IPO13: variants seen among roughly 807,000 people sequenced by gnomAD.
The protein encoded by IPO13 is importin 13.
A neutral mutation model predicts 115.5 loss-of-function variants in IPO13; 28 were observed. That is an observed-to-expected ratio of 0.24 (90% CI 0.18 to 0.33). The LOEUF (loss-of-function observed/expected upper bound fraction) is 0.33, where lower values mean the gene tolerates loss of function less well. IPO13 is among the 10% of genes least tolerant of loss of function. The probability of loss-of-function intolerance (pLI) is 1.00; values close to 1 mark genes in which losing one functional copy is unlikely to be tolerated. For missense variants in IPO13, 785 were observed against 1,204.6 expected, an observed-to-expected ratio of 0.65 and a Z score of 5.16; for synonymous variants, 414 against 478.9, an observed-to-expected ratio of 0.86 and a Z score of 1.77.
In IPO13 at chr1:43,949,958, T is replaced by G; in HGVS notation, c.626T>G (p.Leu209Arg). The G allele has an allele frequency of 6.2e-7, 1 of 1,610,588 alleles. No individual in the cohort carries two copies. The highest frequency in any genetic ancestry group is 8.5e-7 in the Non-Finnish European group (1 of 1,179,404). Residue 209 changes from leucine (L) to arginine (R), a missense_variant, in exon 2 of 20, where the codon CTA becomes CGA. Physicochemically the swap from Leu to Arg is moderately radical, Grantham distance 102 (BLOSUM62 -2). Around this residue, in one of 3 missense-constraint regions of IPO13, gnomAD observed 325 missense variants for 449.8 expected, o/e 0.72. Transcript: ENST00000372343. ...GAVFPLLEQL[L>R]QQPSSPSCVR... ...GTCTTCCCGCTGCTGGAGCAGCTGC[T>G]ACAGCAGCCCAGCTCACCCAGCTGT...
In IPO13 at chr1:43,960,961, G is replaced by A; in HGVS notation, c.2195G>A (p.Gly732Asp). 6.2e-7 allele frequency: 1 copy of A among 1,614,214 alleles called. No homozygotes were observed. The highest frequency in any genetic ancestry group is 8.5e-7 in the Non-Finnish European group (1 of 1,180,036). The part of the protein sequence containing the change: ...PMVPQLCEML[G>D]RMYSTIPQAS... ...GTGCCACAGCTGTGTGAGATGCTGG[G>A]TCGGATGTACAGCACCATCCCCCAG... The change falls in exon 13 of 20, where the codon GGT becomes GAT. Residue 732 changes from glycine (G) to aspartate (D), a missense_variant. By Grantham distance (94) the Gly-to-Asp change is moderately conservative. Transcript: ENST00000372343.
At position 43,956,731 on chromosome 1, in the gene IPO13, G is replaced by C; in HGVS notation, c.1104+30G>C. The C allele has an allele frequency of 6.2e-7, 1 of 1,614,092 alleles. No individual in the cohort carries two copies. The highest frequency in any genetic ancestry group is 8.5e-7 in the Non-Finnish European group (1 of 1,179,934). Reference sequence around the variant, plus strand: ...GTCTGTGTGACCTCCAGTAGGACTGGGCTGTGGTGGAAGAAGGTGGATCAT... The same window carrying C: ...GTCTGTGTGACCTCCAGTAGGACTGCGCTGTGGTGGAAGAAGGTGGATCAT... On this transcript the variant is annotated intron_variant, in intron 4 of 19. Coordinates refer to ENST00000372343, the MANE Select transcript of IPO13 (RefSeq NM_014652.4). The surrounding 1 kb of genome is among the most constrained non-coding windows in gnomAD (Gnocchi z 4.7).
intron 5 of IPO13, 32 bp downstream of exon 5, chr1:43,957,008 G>A (rs575578830): frequency 6.2e-7 from 1 of 1,608,414 alleles, no homozygotes; most frequent in Admixed American, 1.7e-5. Flanking sequence ...CTCTAAAATG[G>A]AGTCCAGAAA....
Position 43,967,859 on chromosome 1 carries a change from G to A in IPO13, c.*177G>A. 1.6e-6 allele frequency: 1 copy of A among 633,710 alleles called. No individual in the cohort carries two copies. The highest frequency in any genetic ancestry group is 2.7e-5 in the East Asian group (1 of 36,440). The allele number at this position is 633,710 out of a possible 1,614,324, so 39.3% of individuals were successfully genotyped here. On this transcript the variant is annotated 3_prime_UTR_variant, in exon 20 of 20. Transcript: ENST00000372343. The surrounding 1 kb of genome is among the most constrained non-coding windows in gnomAD (Gnocchi z 6.1). ...GGATGCTTGGACCCAGGCCTTGGGA[G>A]GGAATGGTGGGAACATCCTCTAGCT...
At position 43,947,128 on chromosome 1, in the gene IPO13, C is replaced by G; in HGVS notation, c.-473C>G. 2.5e-6 allele frequency: 1 copy of G among 398,974 alleles called. No homozygotes were observed. The highest frequency in any genetic ancestry group is 4.4e-6 in the Non-Finnish European group (1 of 226,322). The allele number at this position is 398,974 out of a possible 1,614,324, so 24.7% of individuals were successfully genotyped here. A position where few individuals can be genotyped will look rare whatever the true frequency, so the allele number is the denominator to read the frequency against. Reference sequence around the variant, plus strand: ...CGCGCTTCGTTGGACGCCTCCGTAACCACGAAGGGCTCTCTCTCTCCCGTG... The same window carrying G: ...CGCGCTTCGTTGGACGCCTCCGTAAGCACGAAGGGCTCTCTCTCTCCCGTG... On this transcript the variant is annotated 5_prime_UTR_variant, in exon 1 of 20. Coordinates refer to ENST00000372343, the MANE Select transcript of IPO13 (RefSeq NM_014652.4).
At position 43,959,180 on chromosome 1, in the gene IPO13, C is replaced by T. The variant is rs571841944; in HGVS notation, c.2028+291C>T. Among the ~76,000 whole-genome samples the T allele has an allele frequency of 3.3e-5, 5 of 152,300 alleles. No homozygotes were observed. The South Asian group carries it at 6.2e-4, about 19-fold the overall frequency. ...TCCTCAGCCCCATGAGGGACATTGACGTTATATCCTTCAACCCTTAAGTGA... is the reference window on the plus strand; with the variant it reads ...TCCTCAGCCCCATGAGGGACATTGATGTTATATCCTTCAACCCTTAAGTGA... On this transcript the variant is annotated intron_variant, in intron 11 of 19. Transcript: ENST00000372343.
intron 14 of IPO13, among the ~76,000 whole-genome samples, chr1:43,963,078 G>A (rs899875635): frequency 2.0e-5 from 3 of 152,202 alleles, no homozygotes; most frequent in African/African-American, 7.2e-5. Context: ...ATAACTCAGG[G>A]TTCAGATACC....
intron 5 of IPO13, 89 bp from the exon 6 acceptor site, chr1:43,957,106 G>A: frequency 6.4e-7 from 1 of 1,573,864 alleles, no homozygotes; most frequent in Non-Finnish European, 8.6e-7. Flanking sequence ...TTGCAGAGTT[G>A]TGGGGGTACT....
rs2085333111 is a variant in IPO13, at chr1:43,967,395, C to G, written c.2694C>G (p.Ser898Arg). ...TCGCCCTGAACAAGCACTGCTTCAG[C>G]CTCCTGAGCATGTGGATCAAGGAGG... Reference protein sequence around the residue: ...ILFALNKHCFSLLSMWIKEAL... With the variant: ...ILFALNKHCFRLLSMWIKEAL... The change falls in exon 19 of 20, where the codon AGC becomes AGG. Residue 898 changes from serine to arginine, a missense_variant. Transcript: ENST00000372343. This position sits in a 1 kb window ranked among gnomAD's most constrained non-coding sequence, Gnocchi z 6.1. 1 of 1,614,048 alleles carries G rather than the reference C, an allele frequency of 6.2e-7. No homozygotes were observed. Among genetic ancestry groups the G allele is most frequent in the Admixed American group, 1.7e-5 (1 of 60,008 alleles).
At position 43,947,037 on chromosome 1, in the gene IPO13, G is replaced by T. The variant is rs947266816; in HGVS notation, c.-564G>T. 10 of 398,648 alleles carry T rather than the reference G, an allele frequency of 2.5e-5. No individual in the cohort carries two copies. Among genetic ancestry groups the T allele is most frequent in the Non-Finnish European group, 3.1e-5 (7 of 226,144 alleles). The allele number at this position is 398,648 out of a possible 1,614,324, so 24.7% of individuals were successfully genotyped here. On this transcript the variant is annotated 5_prime_UTR_variant, in exon 1 of 20. Transcript: ENST00000372343. ...AGCACAGCGCGGGCCAGGCCGAACGGAAGGGACCTGCCACAGCCCCTCAAC... is the reference window on the plus strand; with the variant it reads ...AGCACAGCGCGGGCCAGGCCGAACGTAAGGGACCTGCCACAGCCCCTCAAC...
chr1:43,948,350 G>T (rs575875471), intron 1 of IPO13, among the ~76,000 whole-genome samples: 1 of 152,218 alleles, frequency 6.6e-6, no homozygotes, highest in East Asian at 1.9e-4. Context: ...TGCCTCTTTG[G>T]TTCTTTTCTG....
At chr1:43,961,991 A>T (rs2085293497) in intron 14 of IPO13, among the ~76,000 whole-genome samples, 1 of 152,010 alleles carries the variant, frequency 6.6e-6, no homozygotes, top group Non-Finnish European at 1.5e-5. Flanking sequence ...GTTTGGAGAA[A>T]CAAAAACAAA....
At position 43,961,016 on chromosome 1, in the gene IPO13, G is replaced by T. The variant is rs748947460; in HGVS notation, c.2247+3G>T. ...CTGCTCTTGACCTCACTCGACAGGT[G>T]GGCCTTCTGGTTGGGGCAGAGATCC... On this transcript the variant is annotated splice_donor_region_variant and intron_variant, in intron 13 of 19. Transcript: ENST00000372343. 1.9e-6 allele frequency: 3 copies of T among 1,614,070 alleles called. No individual in the cohort carries two copies. Among genetic ancestry groups the T allele is most frequent in the Non-Finnish European group, 2.5e-6 (3 of 1,179,944 alleles).
At chr1:43,962,142 GT>G (rs2085294562) in intron 14 of IPO13, among the ~76,000 whole-genome samples, 1 of 152,142 alleles carries the variant, frequency 6.6e-6, no homozygotes, top group Admixed American at 6.5e-5. Context: ...CCTGGCCTCT[GT>G]TTCTGTGGGC....
In IPO13 at chr1:43,956,863, CCG is replaced by C; in HGVS notation, c.1159_1160del (p.Arg387AlafsTer19). ...AGCAGGCTGTATACCAGCAGGTGTA[CCG>C]GCCAGTCTACTTCCAGCTGGTGGAT... is the stretch of plus-strand genomic sequence containing the variant. ...EKQAVYQQVY[R>X]PVYFQLVDVL... is the part of the protein sequence containing the mutation. On this transcript the variant is annotated frameshift_variant, in exon 5 of 20. Coordinates refer to ENST00000372343, the MANE Select transcript of IPO13 (RefSeq NM_014652.4). LOFTEE classifies it high-confidence loss of function. The surrounding 1 kb of genome is among the most constrained non-coding windows in gnomAD (Gnocchi z 4.7). The C allele has an allele frequency of 6.2e-7, 1 of 1,614,204 alleles. No homozygotes were observed. Among genetic ancestry groups the C allele is most frequent in the Non-Finnish European group, 8.5e-7 (1 of 1,180,034 alleles).
rs1222749658 is a variant in IPO13, at chr1:43,966,897, A to C, written c.2524-33A>C. Reference sequence around the variant, plus strand: ...TTGTCCTCAGGGAGAGCTGGGAAGGAGCTGGGCTGATGGGCCTCTCCATCC... The same window carrying C: ...TTGTCCTCAGGGAGAGCTGGGAAGGCGCTGGGCTGATGGGCCTCTCCATCC... On this transcript the variant is annotated intron_variant, in intron 17 of 19. Coordinates refer to ENST00000372343, the MANE Select transcript of IPO13 (RefSeq NM_014652.4). This position sits in a 1 kb window ranked among gnomAD's most constrained non-coding sequence, Gnocchi z 4.1. 6.2e-7 allele frequency: 1 copy of C among 1,611,076 alleles called. No individual in the cohort carries two copies. The highest frequency in any genetic ancestry group is 1.7e-4 in the Middle Eastern group (1 of 6,056).
In IPO13 at chr1:43,949,916, C is replaced by A; in HGVS notation, c.584C>A (p.Ala195Glu). The A allele has an allele frequency of 3.1e-6, 5 of 1,610,052 alleles. No homozygotes were observed. Among genetic ancestry groups the A allele is most frequent in the Non-Finnish European group, 4.2e-6 (5 of 1,179,614 alleles). The change falls in exon 2 of 20, where the codon GCG becomes GAG. Residue 195 changes from alanine (A) to glutamate (E), a missense_variant. Coordinates refer to ENST00000372343, the MANE Select transcript of IPO13 (RefSeq NM_014652.4). ...AAAGGCCTGGTGCGGACCAGCCTGGCGGTGGAATGTGGGGCTGTCTTCCCG... is the reference window on the plus strand; with the variant it reads ...AAAGGCCTGGTGCGGACCAGCCTGGAGGTGGAATGTGGGGCTGTCTTCCCG... ...YRKGLVRTSLAVECGAVFPLL... is the reference protein window; with the variant it reads ...YRKGLVRTSLEVECGAVFPLL...
intron 5 of IPO13, 100 bp from the exon 6 acceptor site, chr1:43,957,095 G>A: frequency 6.4e-7 from 1 of 1,564,554 alleles, no homozygotes; most frequent in East Asian, 2.2e-5. Context: ...TCTAGGTATT[G>A]TTGCAGAGTT....
intron 7 of IPO13, 113 bp from the exon 8 acceptor site, chr1:43,957,864 T>C: frequency 1.0e-6 from 1 of 1,002,594 alleles, no homozygotes; most frequent in Non-Finnish European, 1.5e-6. Flanking sequence ...GGGGCAGTAC[T>C]CTGTGCTGGG....
Sources: gnomAD v4.1 joint callset for allele counts (sites outside exome capture counted in the v4.1 genomes callset) on GRCh38, gnomAD v4.1.1 for gene constraint, gnomAD v4.1.1 regional missense constraint, Gnocchi (gnomAD v3.1) non-coding constraint, MANE v1.5 for transcripts, NCBI Gene and HGNC (gene_info 2026-07-23, HGNC 2026-07-21) for gene names.